CCDC122: variants seen among roughly 807,000 people sequenced by gnomAD.
The protein encoded by CCDC122 is coiled-coil domain containing 122.
Under a neutral mutation model 37.0 loss-of-function variants are expected in CCDC122, and 38 were observed. The observed-to-expected ratio is 1.03, with a 90% CI of 0.79 to 1.35. CCDC122 has a LOEUF of 1.35. CCDC122 is among the 40% of genes most tolerant of loss of function. The probability of loss-of-function intolerance (pLI) is 0.00; values close to 1 mark genes in which losing one functional copy is unlikely to be tolerated. For missense variants in CCDC122, 305 were observed against 310.0 expected (o/e 0.98, Z 0.12); for synonymous variants, 83 against 95.6 (o/e 0.87, Z 0.77).
intron 4 of CCDC122, among the ~76,000 whole-genome samples, chr13:43,866,969 T>C (rs1302374954): frequency 6.6e-6 from 1 of 152,172 alleles, no homozygotes; most frequent in African/African-American, 2.4e-5. Flanking sequence ...CCATCCTGAA[T>C]AGAAGTAAGA....
intron 6 of CCDC122, among the ~76,000 whole-genome samples, chr13:43,842,033 C>G (rs1953371736): frequency 6.6e-6 from 1 of 151,938 alleles, no homozygotes; most frequent in Non-Finnish European, 1.5e-5. Context: ...TGGTGTCTTT[C>G]AAAGAGTAGA....
chr13:43,849,959 T>A (rs1953669896), intron 6 of CCDC122, among the ~76,000 whole-genome samples: 1 of 152,158 alleles, frequency 6.6e-6, no homozygotes, highest in South Asian at 2.1e-4. Context: ...CCCATCAAGG[T>A]GTAATATTCC....
At chr13:43,860,203 T>C (rs904074367) in intron 4 of CCDC122, 133 bp from the exon 5 acceptor site, 9 of 443,332 alleles carry the variant, frequency 2.0e-5, no homozygotes, top group Non-Finnish European at 3.0e-5. Flanking sequence ...TAAAAATTAA[T>C]GAATACAAGG....
chr13:43,873,791 C>T (rs924470485), intron 2 of CCDC122, among the ~76,000 whole-genome samples: 22 of 152,180 alleles, frequency 1.4e-4, no homozygotes, highest in Non-Finnish European at 1.5e-5. Context: ...CTCTCTTTCA[C>T]CCTTGCCCTG....
intron 2 of CCDC122, among the ~76,000 whole-genome samples, chr13:43,872,158 T>G (rs1389497006): frequency 1.3e-5 from 2 of 152,016 alleles, no homozygotes; most frequent in African/African-American, 4.8e-5. Flanking sequence ...TTTGACAGTA[T>G]GTGCTGTTTA....
At chr13:43,835,058 C>G (rs553691923), downstream of CCDC122, among the ~76,000 whole-genome samples, 3 of 151,670 alleles carry the variant, frequency 2.0e-5, no homozygotes, top group East Asian at 1.9e-4. Context: ...TTGGAACCAA[C>G]CCAAATGTCC....
At chr13:43,825,040 TTACTGGGTATA>T (rs1953026709) in intron 3 of CCDC122, among the ~76,000 whole-genome samples, 1 of 152,216 alleles carries the variant, frequency 6.6e-6, no homozygotes, top group Admixed American at 6.5e-5. Context: ...AGCAGTCCCA[TTACTGGGTATA>T]TACTCAAAGG....
chr13:43,843,033 A>T (rs575674561), intron 6 of CCDC122, among the ~76,000 whole-genome samples: 1 of 152,084 alleles, frequency 6.6e-6, no homozygotes, highest in Non-Finnish European at 1.5e-5. Context: ...TATAACATTG[A>T]TTAGGACCTC....
At chr13:43,824,976 G>T (rs1205528366) in intron 3 of CCDC122, among the ~76,000 whole-genome samples, 1 of 152,162 alleles carries the variant, frequency 6.6e-6, no homozygotes, top group Non-Finnish European at 1.5e-5. Flanking sequence ...AGCCACTGTG[G>T]AAAGCAATTT....
intron 6 of CCDC122, among the ~76,000 whole-genome samples, chr13:43,851,695 C>T (rs1953737897): frequency 6.6e-6 from 1 of 152,224 alleles, no homozygotes; most frequent in South Asian, 2.1e-4. Context: ...CTACTGAACA[C>T]TTTGGCTGAC....
chr13:43,868,686 GAA>G lies in CCDC122; in HGVS notation c.156+6_156+7del. ...AAAGACATTTAAAAGACTATATAAA[GAA>G]GTTACCTTCAAATTGAACAGAACCT... On this transcript the variant is annotated splice_donor_region_variant and intron_variant, in intron 4 of 6. Transcript: ENST00000444614. 1 of 1,450,150 alleles carries G rather than the reference GAA, an allele frequency of 6.9e-7. No homozygotes were observed. The highest frequency in any genetic ancestry group is 9.4e-7 in the Non-Finnish European group (1 of 1,067,466). The allele number at this position is 1,450,150 out of a possible 1,614,324, so 89.8% of individuals were successfully genotyped here.
At chr13:43,845,711 A>AAAAAC (rs59721051) in intron 6 of CCDC122, among the ~76,000 whole-genome samples, 133,075 of 151,072 alleles carry the variant, frequency 0.88, 59,340 homozygotes, top group South Asian at 0.98. Flanking sequence ...CTCCATCTCT[A>AAAAAC]AAAACAAAAC....
intron 6 of CCDC122, among the ~76,000 whole-genome samples, chr13:43,841,622 T>C (rs1953355907): frequency 6.6e-6 from 1 of 152,248 alleles, no homozygotes; most frequent in African/African-American, 2.4e-5. Context: ...ATAGGATTTC[T>C]TTCTTTACGC....
intron 4 of CCDC122, among the ~76,000 whole-genome samples, chr13:43,866,272 G>A (rs1320245827): frequency 6.6e-6 from 1 of 152,212 alleles, no homozygotes; most frequent in African/African-American, 2.4e-5. Context: ...AGGGAAAACT[G>A]TTGTAGTGTC....
rs145442712 is a variant in CCDC122 at position 43,842,883 on chromosome 13, AG to A, written c.673-5455del. ...TTGTATTTTGACCTTTTATCCTATG[AG>A]CTTTCTAAATTCACTTACTGGTTCT... is the stretch of plus-strand genomic sequence containing the variant. On this transcript the variant is annotated intron_variant, in intron 6 of 6. Transcript: ENST00000444614. Among the ~76,000 whole-genome samples, 178 of 152,138 alleles carry A rather than the reference AG, an allele frequency of 1.2e-3. 5 individuals carry two copies. The East Asian group carries it at 0.03, about 26-fold the overall frequency.
rs780226302 is a variant in CCDC122 at position 43,859,938 on chromosome 13, T to C, written c.289A>G (p.Ile97Val). ...KLHCDSLETQ[I>V]KSLHSENVKL... ...ACATTTTCTGAATGTAAGGATTTGA[T>C]TTGAGTTTCCAGGCTATCACAATGA... The change falls in exon 5 of 7, where the codon ATC becomes GTC. Residue 97 changes from isoleucine (I) to valine (V), a missense_variant. Physicochemically the swap from Ile to Val is conservative, Grantham distance 29. Transcript: ENST00000444614. The C allele has an allele frequency of 6.2e-7, 1 of 1,611,562 alleles. No individual in the cohort carries two copies. The highest frequency in any genetic ancestry group is 8.5e-7 in the Non-Finnish European group (1 of 1,178,926).
intron 6 of CCDC122, among the ~76,000 whole-genome samples, chr13:43,857,317 G>A (rs1434085716): frequency 6.6e-6 from 1 of 151,908 alleles, no homozygotes; most frequent in Non-Finnish European, 1.5e-5. Flanking sequence ...CCCATAATCT[G>A]GAAATTTATG....
At chr13:43,861,808 T>C (rs1954112887) in intron 4 of CCDC122, among the ~76,000 whole-genome samples, 1 of 152,138 alleles carries the variant, frequency 6.6e-6, no homozygotes, top group African/African-American at 2.4e-5. Context: ...AGAAAAAAAG[T>C]TTAATTTACA....
chr13:43,829,931 A>C (rs1402131346), intron 3 of CCDC122, among the ~76,000 whole-genome samples: 2 of 152,174 alleles, frequency 1.3e-5, no homozygotes, highest in African/African-American at 4.8e-5. Context: ...GCTGGAATGC[A>C]GTGGCGTGAT....
Sources: allele counts gnomAD v4.1 joint callset (sites outside exome capture counted in the v4.1 genomes callset), GRCh38; gene constraint gnomAD v4.1.1; transcripts MANE v1.5; gene names NCBI Gene and HGNC (gene_info 2026-07-23, HGNC 2026-07-21).